NUP93: variants seen among roughly 807,000 people sequenced by gnomAD.
NUP93 encodes the protein nuclear pore complex protein Nup93.
A neutral mutation model predicts 107.8 loss-of-function variants in NUP93; 55 were observed. The ratio of observed to expected loss-of-function variants is 0.51; its 90% CI spans 0.41 to 0.64. The LOEUF (loss-of-function observed/expected upper bound fraction) is 0.64. Among genes scored for constraint, NUP93 ranks in the 30% least tolerant of loss-of-function variants. NUP93 has a pLI of 0.00. For missense variants in NUP93, 937 were observed against 1,044.7 expected (o/e 0.90, Z 1.42); for synonymous variants, 390 against 397.5 (o/e 0.98, Z 0.22).
At chr16:56,804,989 T>C (rs769153538) in intron 4 of NUP93, among the ~76,000 whole-genome samples, 3 of 151,936 alleles carry the variant, frequency 2.0e-5, no homozygotes, top group Non-Finnish European at 2.9e-5. Flanking sequence ...TTGCAAACAG[T>C]TGTCAGTAAG....
At position 56,844,605 on chromosome 16, in the gene NUP93, A is replaced by G; in HGVS notation, c.2456A>G (p.Asn819Ser). 6.3e-7 allele frequency: 1 copy of G among 1,589,340 alleles called. No homozygotes were observed. Among genetic ancestry groups the G allele is most frequent in the Non-Finnish European group, 8.6e-7 (1 of 1,167,324 alleles). The change falls in exon 22 of 22, where the codon AAT becomes AGT. Residue 819 changes from asparagine (N) to serine (S), a missense_variant. Asn to Ser is a conservative substitution (Grantham distance 46). Transcript: ENST00000308159. Reference sequence around the variant, plus strand: ...CTGGTGCAGATGGAGGTCCTCATGAATTAAGTGCCATGCTTTGTGGGAGTC... The same window carrying G: ...CTGGTGCAGATGGAGGTCCTCATGAGTTAAGTGCCATGCTTTGTGGGAGTC... ...ARLVQMEVLMN is the reference protein window; with the variant it reads ...ARLVQMEVLMS
chr16:56,736,631 A>G (rs1037487972), intron 1 of NUP93, among the ~76,000 whole-genome samples: 19 of 152,044 alleles, frequency 1.2e-4, no homozygotes, highest in African/African-American at 4.3e-4. Flanking sequence ...GCGGAGGAGG[A>G]GTTGGGGGTG....
chr16:56,779,392 C>G (rs1401255596), intron 3 of NUP93, among the ~76,000 whole-genome samples: 1 of 152,126 alleles, frequency 6.6e-6, no homozygotes, highest in Non-Finnish European at 1.5e-5. Context: ...TAGTTTTTAA[C>G]CCTTTTCTTT....
intron 8 of NUP93, among the ~76,000 whole-genome samples, chr16:56,824,280 C>T (rs543640119): frequency 3.3e-5 from 5 of 152,232 alleles, no homozygotes; most frequent in South Asian, 2.1e-4. Flanking sequence ...TTTGTTCTGA[C>T]TCTACTTGGT....
At chr16:56,763,656 A>T (rs567248137) in intron 3 of NUP93, among the ~76,000 whole-genome samples, 7 of 152,118 alleles carry the variant, frequency 4.6e-5, no homozygotes, top group Non-Finnish European at 1.0e-4. Flanking sequence ...CTTTCCTTAG[A>T]TATCACCTCT....
chr16:56,774,854 G>A (rs981826440), intron 3 of NUP93, among the ~76,000 whole-genome samples: 2 of 151,552 alleles, frequency 1.3e-5, no homozygotes, highest in African/African-American at 2.4e-5. Context: ...AATCATATGT[G>A]GGTAGTCCTA....
At chr16:56,779,116 G>C (rs999902002) in intron 3 of NUP93, among the ~76,000 whole-genome samples, 1 of 152,114 alleles carries the variant, frequency 6.6e-6, no homozygotes, top group Admixed American at 6.6e-5. Context: ...CAGTACTATT[G>C]ATCTTCCCAG....
At position 56,844,779 on chromosome 16, in the gene NUP93, TTC is replaced by T. The variant is rs574404146; in HGVS notation, c.*172_*173del. 1.9e-4 allele frequency: 67 copies of T among 352,398 alleles called. No individual in the cohort carries two copies. The South Asian group carries it at 8.2e-3, about 43-fold the overall frequency. The allele number at this position is 352,398 out of a possible 1,614,324, so 21.8% of individuals were successfully genotyped here. A position where few individuals can be genotyped will look rare whatever the true frequency, so the allele number is the denominator to read the frequency against. On this transcript the variant is annotated 3_prime_UTR_variant, in exon 22 of 22. Coordinates refer to ENST00000308159, the MANE Select transcript of NUP93 (RefSeq NM_014669.5). ...CTTTGATTTGTATTTCTTTTCAACA[TTC>T]TTTTATTTTCTTTTTTTTTTTCTTT... is the stretch of plus-strand genomic sequence containing the variant.
intron 3 of NUP93, among the ~76,000 whole-genome samples, chr16:56,787,150 A>G (rs1463111601): frequency 6.6e-6 from 1 of 152,270 alleles, no homozygotes; most frequent in Non-Finnish European, 1.5e-5. Flanking sequence ...ACGTGAAATT[A>G]CAAAAGGGAA....
chr16:56,730,378 C>T (rs1217613959), intron 1 of NUP93, among the ~76,000 whole-genome samples, 167 bp downstream of exon 1: 1 of 152,212 alleles, frequency 6.6e-6, no homozygotes, highest in Admixed American at 6.5e-5. Flanking sequence ...AACGCCTTGT[C>T]GAGCCGCCCC....
intron 3 of NUP93, among the ~76,000 whole-genome samples, chr16:56,759,816 A>G (rs1410376507): frequency 6.6e-6 from 1 of 152,146 alleles, no homozygotes; most frequent in Non-Finnish European, 1.5e-5. Context: ...GTGGAAAGAA[A>G]TGGCACCTGC....
intron 9 of NUP93, among the ~76,000 whole-genome samples, chr16:56,829,609 C>T (rs775774074): frequency 1.2e-4 from 18 of 152,188 alleles, no homozygotes; most frequent in Admixed American, 5.9e-4. Flanking sequence ...AGGTGAGATT[C>T]GCACTTGCTC....
At chr16:56,822,151 G>A (rs1320456617) in intron 7 of NUP93, among the ~76,000 whole-genome samples, 2 of 150,930 alleles carry the variant, frequency 1.3e-5, no homozygotes, top group Non-Finnish European at 2.9e-5. Flanking sequence ...GTGGCTAGGA[G>A]GAAGGAAGAA....
intron 3 of NUP93, among the ~76,000 whole-genome samples, chr16:56,765,216 T>C (rs532895859): frequency 6.6e-6 from 1 of 152,328 alleles, no homozygotes; most frequent in African/African-American, 2.4e-5. Context: ...TTTCACATAA[T>C]ATAAAAATAT....
chr16:56,790,229 A>C (rs1443541048), intron 3 of NUP93, among the ~76,000 whole-genome samples: 1 of 152,224 alleles, frequency 6.6e-6, no homozygotes, highest in Non-Finnish European at 1.5e-5. Flanking sequence ...TCAGTGTCTC[A>C]TGGGCCTTGT....
At chr16:56,808,129 TA>T (rs376238976) in intron 5 of NUP93, among the ~76,000 whole-genome samples, 1 of 96,696 alleles carries the variant, frequency 1.0e-5, no homozygotes, top group Non-Finnish European at 2.1e-5. Context: ...TATAACTATA[TA>T]AATATATTTA....
At chr16:56,803,949 G>A (rs554575637) in intron 4 of NUP93, among the ~76,000 whole-genome samples, 21 of 151,932 alleles carry the variant, frequency 1.4e-4, no homozygotes, top group Non-Finnish European at 2.5e-4. Context: ...ATAGGGTTTT[G>A]CCATGTTGAC....
At chr16:56,740,242 G>A (rs1205803130) in intron 1 of NUP93, among the ~76,000 whole-genome samples, 293 of 125,362 alleles carry the variant, frequency 2.3e-3, no homozygotes, top group East Asian at 8.4e-3. Context: ...GGCAGCTGCC[G>A]GGCGGAGGGG....
At chr16:56,746,410 G>T (rs1039043072) in intron 1 of NUP93, among the ~76,000 whole-genome samples, 2 of 152,232 alleles carry the variant, frequency 1.3e-5, no homozygotes, top group African/African-American at 2.4e-5. Flanking sequence ...TAAAGATTGC[G>T]AATTACAGCC....
Sources: allele counts gnomAD v4.1 joint callset (sites outside exome capture counted in the v4.1 genomes callset), GRCh38; gene constraint gnomAD v4.1.1; transcripts MANE v1.5; gene names NCBI Gene and HGNC (gene_info 2026-07-23, HGNC 2026-07-21).